Variants in MAP2K5 observed in about 807,000 individuals in gnomAD.
MAP2K5 encodes mitogen-activated protein kinase kinase 5, also known as dual specificity mitogen-activated protein kinase kinase 5.
A neutral mutation model predicts 83.1 loss-of-function variants in MAP2K5; 49 were observed. The ratio of observed to expected loss-of-function variants is 0.59; its 90% confidence interval spans 0.47 to 0.75. The LOEUF (loss-of-function observed/expected upper bound fraction) is 0.75. Among genes scored for constraint, MAP2K5 ranks in the 30% least tolerant of loss-of-function variants. The probability of loss-of-function intolerance (pLI) is 0.00; values close to 1 mark genes in which losing one functional copy is unlikely to be tolerated. For synonymous variants in MAP2K5, 202 were observed against 191.8 expected, an observed-to-expected ratio of 1.05 and a Z score of -0.44; for missense variants, 457 against 557.5, an observed-to-expected ratio of 0.82 and a Z score of 1.82.
intron 16 of MAP2K5, among the ~76,000 whole-genome samples, chr15:67,718,982 A>G (rs377571876): frequency 1.1e-4 from 17 of 152,250 alleles, no homozygotes; most frequent in East Asian, 9.6e-4. Context: ...CTGTTGTGCC[A>G]TGAATTACTA....
chr15:67,683,164 T>C (rs1216285767), intron 13 of MAP2K5, among the ~76,000 whole-genome samples: 1 of 152,018 alleles, frequency 6.6e-6, no homozygotes, highest in Non-Finnish European at 1.5e-5. Flanking sequence ...GTTGTAGAAC[T>C]TGCATGTTTT....
intron 21 of MAP2K5, among the ~76,000 whole-genome samples, chr15:67,798,074 C>T (rs926794015): frequency 6.6e-6 from 1 of 152,242 alleles, no homozygotes; most frequent in African/African-American, 2.4e-5. Flanking sequence ...TCCATCACCA[C>T]ACAGCCATCA....
chr15:67,549,181 A>G (rs2140943177), intron 1 of MAP2K5: 1 of 1,535,710 alleles, frequency 6.5e-7, no homozygotes, highest in East Asian at 2.4e-5. Context: ...TGGACTGGAC[A>G]TGATGGAGGG....
intron 2 of MAP2K5, among the ~76,000 whole-genome samples, chr15:67,553,279 A>G (rs907849243): frequency 2.6e-5 from 4 of 152,120 alleles, no homozygotes; most frequent in Non-Finnish European, 5.9e-5. Context: ...TAAAACTTGC[A>G]CTCTTTATCC....
rs577729293 is a variant in MAP2K5 at position 67,681,422 on chromosome 15, G to A, written c.848-11057G>A. The stretch of plus-strand genomic sequence containing the variant: ...CGTCCAGTCTCACAGTCAGTATGCA[G>A]CGGCACCTTCCAGGGCATCACTCTG... On this transcript the variant is annotated intron_variant, in intron 13 of 21. Coordinates refer to ENST00000178640, the MANE Select transcript of MAP2K5 (RefSeq NM_145160.3). Among the ~76,000 whole-genome samples, 3 of 152,334 alleles carry A rather than the reference G, an allele frequency of 2.0e-5. No homozygotes were observed. In the South Asian group the frequency reaches 6.2e-4, roughly 32 times the overall value.
At chr15:67,615,242 C>T (rs1362624769) in intron 8 of MAP2K5, among the ~76,000 whole-genome samples, 1 of 152,172 alleles carries the variant, frequency 6.6e-6, no homozygotes, top group African/African-American at 2.4e-5. Flanking sequence ...AGGTAATCTG[C>T]CCGCATCGGC....
At chr15:67,547,120 A>G (rs1244406532) in intron 1 of MAP2K5, among the ~76,000 whole-genome samples, 1 of 145,764 alleles carries the variant, frequency 6.9e-6, no homozygotes, top group Non-Finnish European at 1.5e-5. Flanking sequence ...ATTTCTGTCT[A>G]AACTGAGTCT....
intron 7 of MAP2K5, among the ~76,000 whole-genome samples, chr15:67,596,230 G>C (rs2085523592): frequency 6.6e-6 from 1 of 152,112 alleles, no homozygotes; most frequent in Non-Finnish European, 1.5e-5. Flanking sequence ...AGACCAGCCT[G>C]GCCAACATGG....
chr15:67,772,462 A>G (rs768861810), intron 20 of MAP2K5, among the ~76,000 whole-genome samples: 1 of 152,216 alleles, frequency 6.6e-6, no homozygotes, highest in Non-Finnish European at 1.5e-5. Flanking sequence ...GTGTTGCAAA[A>G]TATTTTTTAA....
rs1247809903 is a variant in MAP2K5, at chr15:67,577,199, T to TGCTGGG, written c.253-3554_253-3549dup. 1.3e-5 allele frequency among the ~76,000 whole-genome samples: 2 copies of TGCTGGG among 152,134 alleles called. No homozygotes were observed. The highest frequency in any genetic ancestry group is 3.9e-4 in the East Asian group (2 of 5,182). On this transcript the variant is annotated intron_variant, in intron 3 of 21. Coordinates refer to ENST00000178640, the MANE Select transcript of MAP2K5 (RefSeq NM_145160.3). The surrounding 1 kb of genome is among the most constrained non-coding windows in gnomAD (Gnocchi z 4.1). ...ATCCACCCGCCTCGGCCTCCCAAAG[T>TGCTGGG]GCTGGGATTACAGGCGTGAGCCACC...
rs370187987 is a variant in MAP2K5 at position 67,786,166 on chromosome 15, G to T, written c.1242+13414G>T. On this transcript the variant is annotated intron_variant, in intron 21 of 21. Coordinates refer to ENST00000178640, the MANE Select transcript of MAP2K5 (RefSeq NM_145160.3). The surrounding 1 kb of genome is among the most constrained non-coding windows in gnomAD (Gnocchi z 4.7). Reference sequence around the variant, plus strand: ...TGATGTTCCTGGGTATTTCCAGCTTGTTGCCTCTTGGAAGATACATGTGTT... The same window carrying T: ...TGATGTTCCTGGGTATTTCCAGCTTTTTGCCTCTTGGAAGATACATGTGTT... Among the ~76,000 whole-genome samples, 19 of 152,204 alleles carry T rather than the reference G, an allele frequency of 1.2e-4. No individual in the cohort carries two copies. Among genetic ancestry groups the T allele is most frequent in the African/African-American group, 4.6e-4 (19 of 41,518 alleles).
intron 19 of MAP2K5, among the ~76,000 whole-genome samples, chr15:67,751,641 T>C (rs2089720082): frequency 6.6e-6 from 1 of 152,170 alleles, no homozygotes; most frequent in South Asian, 2.1e-4. Context: ...GAAAGAAATG[T>C]TTCTAACATC....
At chr15:67,581,053 A>C (rs895143586) in intron 4 of MAP2K5, among the ~76,000 whole-genome samples, 1 of 152,176 alleles carries the variant, frequency 6.6e-6, no homozygotes, top group African/African-American at 2.4e-5. Context: ...TTGTTTTTGA[A>C]GTACATACTT....
At chr15:67,718,340 C>T in intron 16 of MAP2K5, among the ~76,000 whole-genome samples, 1 of 152,174 alleles carries the variant, frequency 6.6e-6, no homozygotes, top group East Asian at 1.9e-4. Flanking sequence ...TGTCAGAGGA[C>T]ACAGGTCAGC....
At chr15:67,595,551 A>G (rs1023643527) in intron 7 of MAP2K5, among the ~76,000 whole-genome samples, 2 of 152,204 alleles carry the variant, frequency 1.3e-5, no homozygotes, top group African/African-American at 4.8e-5. Context: ...CTTAACACAG[A>G]CAATAAACAA....
At chr15:67,710,209 A>T (rs757492369) in intron 16 of MAP2K5, among the ~76,000 whole-genome samples, 3 of 152,088 alleles carry the variant, frequency 2.0e-5, no homozygotes, top group Non-Finnish European at 4.4e-5. Flanking sequence ...TGCTCTTTTC[A>T]CTTGGATCTT....
chr15:67,694,955 T>G (rs10153031), intron 15 of MAP2K5, among the ~76,000 whole-genome samples: 84,216 of 151,700 alleles, frequency 0.56, 24,067 homozygotes, highest in Non-Finnish European at 0.6. Context: ...TCATGTCCTT[T>G]GTAGGGACAT....
At chr15:67,583,901 C>G (rs891465486) in intron 4 of MAP2K5, among the ~76,000 whole-genome samples, 5 of 152,006 alleles carry the variant, frequency 3.3e-5, no homozygotes, top group Non-Finnish European at 5.9e-5. Context: ...CATGTGCCAC[C>G]ACGCTGGGCA....
Position 67,719,197 on chromosome 15 carries a change from A to G in MAP2K5, c.1045-8719A>G, listed in dbSNP as rs1053214518. Among the ~76,000 whole-genome samples the G allele has an allele frequency of 6.6e-6, 1 of 152,184 alleles. No individual in the cohort carries two copies. The highest frequency in any genetic ancestry group is 2.4e-5 in the African/African-American group (1 of 41,448). Reference sequence around the variant, plus strand: ...GTCATCTAAATTCATCATAATGGTTAAATATGTGAAAATGGTAGCTACTGA... The same window carrying G: ...GTCATCTAAATTCATCATAATGGTTGAATATGTGAAAATGGTAGCTACTGA... On this transcript the variant is annotated intron_variant, in intron 16 of 21. Transcript: ENST00000178640. This position sits in a 1 kb window ranked among gnomAD's most constrained non-coding sequence, Gnocchi z 4.6.
Sources: gnomAD v4.1 joint callset for allele counts (sites outside exome capture counted in the v4.1 genomes callset) on GRCh38, gnomAD v4.1.1 for gene constraint, Gnocchi (gnomAD v3.1) non-coding constraint, MANE v1.5 for transcripts, NCBI Gene and HGNC (gene_info 2026-07-23, HGNC 2026-07-21) for gene names.